BAIAP2L2: variants seen among roughly 807,000 people sequenced by gnomAD.
BAIAP2L2 encodes BAR/IMD domain containing adaptor protein 2 like 2.
A neutral mutation model predicts 60.4 loss-of-function variants in BAIAP2L2; 65 were observed. The observed-to-expected ratio is 1.08, with a 90% confidence interval of 0.88 to 1.32. The LOEUF (loss-of-function observed/expected upper bound fraction) is 1.32, where lower values mean the gene tolerates loss of function less well. BAIAP2L2 is among the 40% of genes most tolerant of loss of function. BAIAP2L2 has a pLI of 0.00. For missense variants in BAIAP2L2, 836 were observed against 741.2 expected, an observed-to-expected ratio of 1.13 and a Z score of -1.48; for synonymous variants, 344 against 301.7, an observed-to-expected ratio of 1.14 and a Z score of -1.45.
chr22:38,107,715 C>T (rs1422414588), intron 4 of BAIAP2L2, 137 bp downstream of exon 4: 9 of 774,684 alleles, frequency 1.2e-5, no homozygotes, highest in Admixed American at 2.0e-5. Context: ...GGAACCGTGC[C>T]CCACAGAGCC....
At chr22:38,092,426 G>A (rs1326724785) in intron 7 of BAIAP2L2, among the ~76,000 whole-genome samples, 1 of 152,006 alleles carries the variant, frequency 6.6e-6, no homozygotes, top group Admixed American at 6.6e-5. Context: ...ACAGTCATCC[G>A]CCACCATTCC....
At chr22:38,095,290 G>A (rs2086402666) in intron 7 of BAIAP2L2, among the ~76,000 whole-genome samples, 1 of 152,194 alleles carries the variant, frequency 6.6e-6, no homozygotes, top group African/African-American at 2.4e-5. Context: ...TGGGAAGGAT[G>A]AAGACAGGAG....
chr22:38,106,171 C>T (rs578248456), intron 4 of BAIAP2L2, among the ~76,000 whole-genome samples: 1 of 152,280 alleles, frequency 6.6e-6, no homozygotes, highest in South Asian at 2.1e-4. Context: ...CCACGGAGCC[C>T]AGGGGCCTTG....
chr22:38,103,000 C>A (rs1281779452), intron 4 of BAIAP2L2, among the ~76,000 whole-genome samples: 1 of 150,602 alleles, frequency 6.6e-6, no homozygotes, highest in African/African-American at 2.4e-5. Flanking sequence ...GAGCCGATAT[C>A]ACACCACTGC....
intron 7 of BAIAP2L2, chr22:38,091,391 T>G (rs560458540): frequency 6.6e-6 from 1 of 152,192 alleles, no homozygotes; most frequent in African/African-American, 2.4e-5. Context: ...AAAAGTATCA[T>G]TGGATTGTTT....
intron 12 of BAIAP2L2, among the ~76,000 whole-genome samples, chr22:38,086,004 G>A (rs139936693): frequency 6.6e-6 from 1 of 152,112 alleles, no homozygotes; most frequent in Non-Finnish European, 1.5e-5. Context: ...TGCCCTCCCT[G>A]GCCTCCCCCA....
chr22:38,107,915 T>A lies in BAIAP2L2; in HGVS notation c.215-2A>T. 2 of 1,613,282 alleles carry A rather than the reference T, an allele frequency of 1.2e-6. No individual in the cohort carries two copies. The highest frequency in any genetic ancestry group is 2.7e-5 in the African/African-American group (2 of 75,038). On this transcript the variant is annotated splice_acceptor_variant, in intron 3 of 13. Transcript: ENST00000381669. LOFTEE classifies it high-confidence loss of function. ...CAGACATCTGCACCAAGATCTCCCC[T>A]GGAGGCATGGATGCAGCTGTGGCTT...
intron 8 of BAIAP2L2, 88 bp downstream of exon 8, chr22:38,089,434 G>T: frequency 1.4e-6 from 1 of 725,518 alleles, no homozygotes; most frequent in Non-Finnish European, 1.9e-6. Context: ...CTGGGGGGCA[G>T]GAGGCTCCAG....
Position 38,086,338 on chromosome 22 carries a change from G to A in BAIAP2L2, c.1371C>T (p.Ser457=). The A allele has an allele frequency of 2.0e-6, 3 of 1,481,224 alleles. No individual in the cohort carries two copies. Among genetic ancestry groups the A allele is most frequent in the Admixed American group, 1.9e-5 (1 of 52,400 alleles). The allele number at this position is 1,481,224 out of a possible 1,614,324, so 91.8% of individuals were successfully genotyped here. A position where few individuals can be genotyped will look rare whatever the true frequency, so the allele number is the denominator to read the frequency against. The part of the protein sequence containing the change: ...WDGQSRSRTP[S]RVPSRAPSPA... ...GGCTGGGGGCACGGCTTGGCACCCG[G>A]CTTGGGGTGCGGGAGCGGGACTGGC... Residue 457 remains serine, a synonymous_variant, in exon 12 of 14, where the codon AGC becomes AGT. Transcript: ENST00000381669.
At position 38,087,225 on chromosome 22, in the gene BAIAP2L2, C is replaced by A. The variant is rs746901791; in HGVS notation, c.1158G>T (p.Glu386Asp). The A allele has an allele frequency of 6.2e-7, 1 of 1,606,664 alleles. No homozygotes were observed. The highest frequency in any genetic ancestry group is 1.7e-5 in the Admixed American group (1 of 58,642). ...GGGTCATGGGATTCACGGGCCCCTC[C>A]TCCAGAGCCTTCACGTACGCCTCGG... is the stretch of plus-strand genomic sequence containing the variant. ...WFPEAYVKAL[E>D]EGPVNPMTPV... The change falls in exon 11 of 14, where the codon GAG becomes GAT. Residue 386 changes from glutamate to aspartate, a missense_variant. Physicochemically the swap from Glu to Asp is conservative, Grantham distance 45. Transcript: ENST00000381669.
intron 13 of BAIAP2L2, 115 bp downstream of exon 13, chr22:38,085,571 A>G: frequency 1.5e-6 from 2 of 1,366,114 alleles, no homozygotes; most frequent in Non-Finnish European, 2.1e-6. Flanking sequence ...CTGATGTTGA[A>G]CTGTTGGAAT....
rs543281361 is a variant in BAIAP2L2, at chr22:38,087,243, C to T, written c.1140G>A (p.Ala380=). ...GSSASGWFPE[A]YVKALEEGPV... ...GCCCCTCCTCCAGAGCCTTCACGTA[C>T]GCCTCGGGGAACCAACCGCTCCTGT... is the stretch of plus-strand genomic sequence containing the variant. The change falls in exon 11 of 14, where the codon GCG becomes GCA. Residue 380 remains alanine (A), a synonymous_variant. Transcript: ENST00000381669. 3.5e-5 allele frequency: 56 copies of T among 1,606,594 alleles called. No homozygotes were observed. The highest frequency in any genetic ancestry group is 3.4e-4 in the Admixed American group (20 of 58,858).
At chr22:38,092,115 C>T (rs117597917) in intron 7 of BAIAP2L2, among the ~76,000 whole-genome samples, 64 of 152,356 alleles carry the variant, frequency 4.2e-4, no homozygotes, top group Non-Finnish European at 7.2e-4. Flanking sequence ...CCTGGAGATA[C>T]ATTTGCACAG....
chr22:38,108,527 G>A (rs2086716596), intron 2 of BAIAP2L2, among the ~76,000 whole-genome samples, 186 bp from the exon 3 acceptor site: 1 of 152,186 alleles, frequency 6.6e-6, no homozygotes, highest in Non-Finnish European at 1.5e-5. Context: ...GAGGGCTGGG[G>A]GCAGGGAGGT....
intron 10 of BAIAP2L2, 129 bp from the exon 11 acceptor site, chr22:38,087,393 C>G (rs886471432): frequency 9.1e-7 from 1 of 1,103,714 alleles, no homozygotes; most frequent in African/African-American, 1.6e-5. Flanking sequence ...ACAATCAATT[C>G]CGTATGTTTA....
intron 11 of BAIAP2L2, among the ~76,000 whole-genome samples, chr22:38,086,920 C>G (rs1428591996): frequency 6.7e-6 from 1 of 148,638 alleles, no homozygotes; most frequent in African/African-American, 2.5e-5. Context: ...CGCTTGAATG[C>G]AGGAGGCAGA....
At chr22:38,109,030 G>A (rs1052137963) in intron 2 of BAIAP2L2, 103 bp downstream of exon 2, 2 of 1,011,978 alleles carry the variant, frequency 2.0e-6, no homozygotes, top group Non-Finnish European at 3.1e-6. Context: ...GTGTAGGGTT[G>A]AGGATGAACA....
Position 38,098,109 on chromosome 22 carries a change from A to C in BAIAP2L2, c.419T>G (p.Leu140Arg). Reference protein sequence around the residue: ...AANLEKCMSELWRMERKRDKN... With the variant: ...AANLEKCMSERWRMERKRDKN... ...GTCTCTCTTGCGCTCCATGCGCCACAGCTCAGACATGCACTTCTCCAGGTT... is the reference window on the plus strand; with the variant it reads ...GTCTCTCTTGCGCTCCATGCGCCACCGCTCAGACATGCACTTCTCCAGGTT... The change falls in exon 6 of 14, where the codon CTG becomes CGG. Residue 140 changes from leucine to arginine, a missense_variant. Leu to Arg is a moderately radical substitution (Grantham distance 102). Coordinates refer to ENST00000381669, the MANE Select transcript of BAIAP2L2 (RefSeq NM_025045.6). 1 of 1,612,208 alleles carries C rather than the reference A, an allele frequency of 6.2e-7. No individual in the cohort carries two copies. The highest frequency in any genetic ancestry group is 8.5e-7 in the Non-Finnish European group (1 of 1,179,494).
intron 7 of BAIAP2L2, among the ~76,000 whole-genome samples, chr22:38,094,250 A>G (rs1036610907): frequency 3.9e-5 from 6 of 152,038 alleles, no homozygotes; most frequent in African/African-American, 1.5e-4. Flanking sequence ...CAGTGGTGCA[A>G]TCTTGGCTCA....
Sources: gnomAD v4.1 joint callset for allele counts (sites outside exome capture counted in the v4.1 genomes callset) on GRCh38, gnomAD v4.1.1 for gene constraint, MANE v1.5 for transcripts, NCBI Gene and HGNC (gene_info 2026-07-23, HGNC 2026-07-21) for gene names.